Variants in CRY1 observed in about 807,000 individuals in gnomAD.
CRY1 encodes the protein cryptochrome-1.
A neutral mutation model predicts 76.0 loss-of-function variants in CRY1; 45 were observed. The observed-to-expected ratio is 0.59, with a 90% confidence interval of 0.47 to 0.76. The LOEUF (loss-of-function observed/expected upper bound fraction) is 0.76. Among genes scored for constraint, CRY1 ranks in the 30% least tolerant of loss-of-function variants. The pLI is 0.00. For missense variants in CRY1, 587 were observed against 716.4 expected (o/e 0.82, Z 2.06); for synonymous variants, 248 against 244.0 (o/e 1.02, Z -0.15).
At chr12:107,004,958 G>C in intron 3 of CRY1, 148 bp downstream of exon 3, 2 of 647,658 alleles carry the variant, frequency 3.1e-6, no homozygotes, top group Non-Finnish European at 5.0e-6. Context: ...ATAACTCTGT[G>C]AAGTACATGT....
chr12:107,011,397 A>C (rs935587040), intron 2 of CRY1, among the ~76,000 whole-genome samples: 2 of 152,018 alleles, frequency 1.3e-5, no homozygotes, highest in African/African-American at 2.4e-5. Flanking sequence ...GAGGCAGGCC[A>C]AAAGCTAGGC....
At chr12:107,085,044 GC>G in intron 1 of CRY1, among the ~76,000 whole-genome samples, 1 of 151,380 alleles carries the variant, frequency 6.6e-6, no homozygotes, top group South Asian at 2.1e-4. Flanking sequence ...CATTTATGTG[GC>G]CAAAAAACAT....
At chr12:107,019,130 G>C (rs1252819221) in intron 2 of CRY1, among the ~76,000 whole-genome samples, 1 of 152,112 alleles carries the variant, frequency 6.6e-6, no homozygotes, top group African/African-American at 2.4e-5. Context: ...AATGACAGAA[G>C]AATCTTCTCC....
intron 10 of CRY1, 74 bp from the exon 11 acceptor site, chr12:106,993,110 C>G: frequency 6.9e-7 from 1 of 1,456,666 alleles, no homozygotes; most frequent in Non-Finnish European, 9.5e-7. Flanking sequence ...GTCTACAAAT[C>G]CAACTTTTAG....
intron 1 of CRY1, among the ~76,000 whole-genome samples, chr12:107,054,769 T>C (rs1952964445): frequency 6.6e-6 from 1 of 151,936 alleles, no homozygotes; most frequent in Non-Finnish European, 1.5e-5. Flanking sequence ...GTCACGTTCA[T>C]AATGACTTTA....
In CRY1 at chr12:107,076,811, C is replaced by T. The variant is rs191319977; in HGVS notation, c.158+15993G>A. Among the ~76,000 whole-genome samples, 163 of 152,108 alleles carry T rather than the reference C, an allele frequency of 1.1e-3. 4 individuals are homozygous for T. The East Asian group carries it at 0.027, about 26-fold the overall frequency. On this transcript the variant is annotated intron_variant, in intron 1 of 12. Coordinates refer to ENST00000008527, the MANE Select transcript of CRY1 (RefSeq NM_004075.5). ...TTTCTCGAATTATTTAGCATCATCC[C>T]TTTTGGTACATCTTTACAATGGCGA...
chr12:107,076,357 T>A (rs1953251830), intron 1 of CRY1, among the ~76,000 whole-genome samples: 1 of 152,102 alleles, frequency 6.6e-6, no homozygotes, highest in Non-Finnish European at 1.5e-5. Flanking sequence ...ATGCCTGTAA[T>A]CCCAGCACTT....
At chr12:107,025,884 C>A (rs10861697) in intron 1 of CRY1, among the ~76,000 whole-genome samples, 1 of 150,462 alleles carries the variant, frequency 6.6e-6, no homozygotes, top group Non-Finnish European at 1.5e-5. Flanking sequence ...AACCAAACTT[C>A]TCTTTCAGCA....
chr12:107,058,593 T>C (rs1364318288), intron 1 of CRY1, among the ~76,000 whole-genome samples: 5 of 152,226 alleles, frequency 3.3e-5, no homozygotes, highest in African/African-American at 1.2e-4. Context: ...ACAGAGCTTG[T>C]TCTAAAATAA....
chr12:107,006,727 C>T (rs1195780766), intron 2 of CRY1, among the ~76,000 whole-genome samples: 1 of 147,736 alleles, frequency 6.8e-6, no homozygotes, highest in Non-Finnish European at 1.5e-5. Context: ...TCTTGGCTCA[C>T]TGCAACCTCC....
chr12:107,021,814 A>G (rs915575833), intron 2 of CRY1, among the ~76,000 whole-genome samples: 3 of 152,176 alleles, frequency 2.0e-5, no homozygotes, highest in Non-Finnish European at 4.4e-5. Flanking sequence ...AATTGGATAC[A>G]TAAGAAACTG....
intron 2 of CRY1, among the ~76,000 whole-genome samples, chr12:107,005,732 G>A (rs947578904): frequency 1.3e-5 from 2 of 152,122 alleles, no homozygotes; most frequent in African/African-American, 4.8e-5. Context: ...ATATTGATAT[G>A]GTATAAGCTG....
chr12:107,088,858 A>G (rs1462183933), intron 1 of CRY1, among the ~76,000 whole-genome samples: 1 of 152,180 alleles, frequency 6.6e-6, no homozygotes, highest in Non-Finnish European at 1.5e-5. Context: ...CAGTTTCATC[A>G]TCTCAAAAAG....
At chr12:107,078,826 T>C (rs1455217920) in intron 1 of CRY1, among the ~76,000 whole-genome samples, 3 of 152,146 alleles carry the variant, frequency 2.0e-5, no homozygotes, top group South Asian at 2.1e-4. Flanking sequence ...CTCTACTTTC[T>C]CCCTCACCCT....
intron 1 of CRY1, among the ~76,000 whole-genome samples, chr12:107,046,300 A>T (rs946543402): frequency 1.3e-5 from 2 of 152,080 alleles, no homozygotes; most frequent in Non-Finnish European, 1.5e-5. Flanking sequence ...CTCAAAAAAA[A>T]AAAATGCTCA....
At position 107,028,399 on chromosome 12, in the gene CRY1, G is replaced by GAGTTTA; in HGVS notation, c.159-6208_159-6207insTAAACT. The stretch of plus-strand genomic sequence containing the variant: ...AGATAAGAGTTTAATGTTCAATAAA[G>GAGTTTA]ATGAAATATATATTTTAAAAGCAAA... On this transcript the variant is annotated intron_variant, in intron 1 of 12. Transcript: ENST00000008527. Among the ~76,000 whole-genome samples, 3 of 152,078 alleles carry GAGTTTA rather than the reference G, an allele frequency of 2.0e-5. No homozygotes were observed. The South Asian group carries it at 6.2e-4, about 32-fold the overall frequency.
At chr12:107,068,910 T>C (rs1190069449) in intron 1 of CRY1, among the ~76,000 whole-genome samples, 3 of 152,222 alleles carry the variant, frequency 2.0e-5, no homozygotes, top group African/African-American at 7.2e-5. Flanking sequence ...AGTATCTCAT[T>C]TCTTTTTATG....
chr12:107,093,026 C>T lies in CRY1; in HGVS notation c.-65G>A. The T allele has an allele frequency of 6.9e-7, 1 of 1,441,974 alleles. No homozygotes were observed. Among genetic ancestry groups the T allele is most frequent in the Non-Finnish European group, 9.1e-7 (1 of 1,100,926 alleles). 89.3% of individuals were successfully genotyped at this position (1,441,974 alleles called of 1,614,324 possible). ...GAAGGAGGCTCCGGCTCATAGCCGA[C>T]ACCTTCGCTTCCAAGAGAATTGCCT... is the stretch of plus-strand genomic sequence containing the variant. On this transcript the variant is annotated 5_prime_UTR_variant, in exon 1 of 13. Coordinates refer to ENST00000008527, the MANE Select transcript of CRY1 (RefSeq NM_004075.5).
At chr12:107,075,015 C>CAA (rs5800726) in intron 1 of CRY1, among the ~76,000 whole-genome samples, 15,263 of 149,208 alleles carry the variant, frequency 0.1, 992 homozygotes, top group Admixed American at 0.23. Context: ...AACTCTGTCT[C>CAA]AAAAAAAAAA....
Sources: allele counts gnomAD v4.1 joint callset (sites outside exome capture counted in the v4.1 genomes callset), GRCh38; gene constraint gnomAD v4.1.1; transcripts MANE v1.5; gene names NCBI Gene and HGNC (gene_info 2026-07-23, HGNC 2026-07-21).